The following PHTF2 variants were observed in gnomAD, a reference collection of about 807,000 sequenced individuals.
The protein encoded by PHTF2 is protein PHTF2.
Under a neutral mutation model 101.2 loss-of-function variants are expected in PHTF2, and 60 were observed. That is an observed-to-expected ratio of 0.59 (90% CI 0.48 to 0.73). PHTF2 has a LOEUF of 0.73. Among genes scored for constraint, PHTF2 ranks in the 30% least tolerant of loss-of-function variants. The pLI, the probability that PHTF2 is intolerant of heterozygous loss-of-function variation, is 0.00. For synonymous variants in PHTF2, 311 were observed against 307.3 expected, an observed-to-expected ratio of 1.01 and a Z score of -0.13; for missense variants, 747 against 908.7, an observed-to-expected ratio of 0.82 and a Z score of 2.29.
chr7:77,880,649 C>G (rs1031516481), intron 3 of PHTF2, among the ~76,000 whole-genome samples: 1 of 152,068 alleles, frequency 6.6e-6, no homozygotes, highest in Admixed American at 6.6e-5. Context: ...GGATTGATAC[C>G]CCATGCCTGG....
chr7:77,883,398 G>GAT (rs1799570550), intron 3 of PHTF2, among the ~76,000 whole-genome samples: 1 of 152,144 alleles, frequency 6.6e-6, no homozygotes, highest in South Asian at 2.1e-4. Context: ...GGGGATTATA[G>GAT]ATATAATTTT....
intron 3 of PHTF2, among the ~76,000 whole-genome samples, chr7:77,858,918 A>T (rs1410221490): frequency 6.6e-6 from 1 of 152,168 alleles, no homozygotes; most frequent in Non-Finnish European, 1.5e-5. Context: ...AAAACAATAG[A>T]AGTTTATTTT....
At chr7:77,850,360 C>CAAAAAAAAAAAAAAAAAAAAA (rs71082789) in intron 2 of PHTF2, among the ~76,000 whole-genome samples, 4 of 44,376 alleles carry the variant, frequency 9.0e-5, no homozygotes, top group Non-Finnish European at 1.2e-4. Context: ...GACCTTGTCT[C>CAAAAAAAAAAAAAAAAAAAAA]AAAAAAAAAA....
chr7:77,812,264 A>C (rs1470641527), intron 1 of PHTF2, among the ~76,000 whole-genome samples: 2 of 152,246 alleles, frequency 1.3e-5, no homozygotes, highest in South Asian at 2.1e-4. Flanking sequence ...TTCTGTGTTC[A>C]CTTAGAGTAT....
Position 77,821,492 on chromosome 7 carries a change from G to A in PHTF2, c.-35-18729G>A, listed in dbSNP as rs190504862. 1.9e-3 allele frequency among the ~76,000 whole-genome samples: 282 copies of A among 151,898 alleles called. 1 individual carries two copies. Among genetic ancestry groups the A allele is most frequent in the Non-Finnish European group, 2.8e-3 (190 of 67,980 alleles). On this transcript the variant is annotated intron_variant, in intron 1 of 19. Coordinates refer to ENST00000416283, the Ensembl canonical transcript of PHTF2. ...TGTATGTATCTGCTGTAGATGGCCC[G>A]TGGGGCTGTTTCTCAGGTTTGGGAC... is the stretch of plus-strand genomic sequence containing the variant.
intron 17 of PHTF2, among the ~76,000 whole-genome samples, chr7:77,950,554 G>A (rs1035850798): frequency 1.3e-5 from 2 of 152,128 alleles, no homozygotes; most frequent in African/African-American, 4.8e-5. Flanking sequence ...CCAGCTACTT[G>A]TTAGGCTGAG....
chr7:77,815,620 T>G (rs1231395849), intron 1 of PHTF2, among the ~76,000 whole-genome samples: 1 of 152,240 alleles, frequency 6.6e-6, no homozygotes, highest in Non-Finnish European at 1.5e-5. Context: ...GATATTTTAT[T>G]TACCATTCAT....
intron 18 of PHTF2, among the ~76,000 whole-genome samples, chr7:77,952,641 A>G (rs1806650368): frequency 6.6e-6 from 1 of 152,220 alleles, no homozygotes; most frequent in Non-Finnish European, 1.5e-5. Context: ...ACACATGTAT[A>G]TTGCCTATCT....
chr7:77,896,250 A>G (rs191256438), intron 5 of PHTF2, among the ~76,000 whole-genome samples: 10 of 152,278 alleles, frequency 6.6e-5, no homozygotes, highest in Admixed American at 5.2e-4. Flanking sequence ...TATCCATCAC[A>G]TGAATAATGT....
intron 6 of PHTF2, 133 bp downstream of exon 5, chr7:77,900,913 A>T: frequency 1.7e-6 from 1 of 594,960 alleles, no homozygotes; most frequent in Non-Finnish European, 3.0e-6. Context: ...GGTAATTTAT[A>T]AGAAAAGAGG....
At chr7:77,900,305 A>C (rs534001260) in intron 5 of PHTF2, among the ~76,000 whole-genome samples, 2 of 152,280 alleles carry the variant, frequency 1.3e-5, no homozygotes, top group South Asian at 4.1e-4. Context: ...CTGCTTTCTG[A>C]AATAATGCCT....
At chr7:77,927,177 A>AAAAAAATAT (rs1554388762) in intron 11 of PHTF2, among the ~76,000 whole-genome samples, 2 of 78,156 alleles carry the variant, frequency 2.6e-5, no homozygotes, top group African/African-American at 4.8e-5. Flanking sequence ...AAAAAAAAAA[A>AAAAAAATAT]ATATATATAT....
intron 9 of PHTF2, among the ~76,000 whole-genome samples, chr7:77,913,841 A>G (rs1802641164): frequency 6.6e-6 from 1 of 152,186 alleles, no homozygotes; most frequent in Non-Finnish European, 1.5e-5. Context: ...AGTCAGGCAT[A>G]TTAGTTAACA....
At chr7:77,930,861 A>G (rs948060602) in intron 12 of PHTF2, among the ~76,000 whole-genome samples, 3 of 152,212 alleles carry the variant, frequency 2.0e-5, no homozygotes, top group African/African-American at 7.2e-5. Context: ...AAAGAGCAAA[A>G]TATCAAGAAT....
In PHTF2 at chr7:77,840,309, A is replaced by G; in HGVS notation, c.45+9A>G. ...TCTGGTATCAAAAGAAGGTAAGTTG[A>G]TAGTCAAAACTTTTAGCTTTCTAAA... On this transcript the variant is annotated intron_variant, in intron 2 of 19. Coordinates refer to ENST00000416283, the Ensembl canonical transcript of PHTF2. The G allele has an allele frequency of 6.3e-7, 1 of 1,581,270 alleles. No homozygotes were observed. Among genetic ancestry groups the G allele is most frequent in the Non-Finnish European group, 8.7e-7 (1 of 1,151,218 alleles).
chr7:77,891,124 G>T (rs994192756), intron 3 of PHTF2, among the ~76,000 whole-genome samples: 12 of 148,264 alleles, frequency 8.1e-5, no homozygotes, highest in Non-Finnish European at 1.5e-4. Flanking sequence ...GTTCAGGCTT[G>T]TCTCAAACTC....
exon 15 of PHTF2, chr7:77,940,632 G>A: frequency 6.2e-7 from 1 of 1,606,604 alleles, no homozygotes; most frequent in South Asian, 1.1e-5. Flanking sequence ...ATATAAAAAT[G>A]TGGCTATCTC....
Position 77,923,275 on chromosome 7 carries a change from T to G in PHTF2, c.1119+497T>G, listed in dbSNP as rs919343267. 6.7e-6 allele frequency: 6 copies of G among 893,190 alleles called. No homozygotes were observed. The African/African-American group carries it at 1.1e-4, about 16-fold the overall frequency. The allele number at this position is 893,190 out of a possible 1,614,324, so 55.3% of individuals were successfully genotyped here. ...TCAACTATATCATATCTCTTGAGCTTCAAATTGTTTAAATAAAGAATTTCA... is the reference window on the plus strand; with the variant it reads ...TCAACTATATCATATCTCTTGAGCTGCAAATTGTTTAAATAAAGAATTTCA... On this transcript the variant is annotated intron_variant, in intron 11 of 19. Coordinates refer to ENST00000416283, the Ensembl canonical transcript of PHTF2.
intron 3 of PHTF2, among the ~76,000 whole-genome samples, chr7:77,873,329 C>T (rs769791324): frequency 2.0e-5 from 3 of 152,252 alleles, no homozygotes; most frequent in Non-Finnish European, 2.9e-5. Flanking sequence ...GTGTTCCTTC[C>T]GCCGTTATCC....
Sources: gnomAD v4.1 joint callset for allele counts (sites outside exome capture counted in the v4.1 genomes callset) on GRCh38, gnomAD v4.1.1 for gene constraint, MANE v1.5 for transcripts, NCBI Gene and HGNC (gene_info 2026-07-23, HGNC 2026-07-21) for gene names.